MYBPC1: variants seen among roughly 807,000 people sequenced by gnomAD.
MYBPC1 encodes the protein myosin-binding protein C, slow-type.
In MYBPC1, 52 loss-of-function variants were observed where a neutral mutation model predicts 147.1. That is an observed-to-expected ratio of 0.35 (90% confidence interval 0.28 to 0.45). MYBPC1 has a LOEUF of 0.45. MYBPC1 is among the 20% of genes least tolerant of loss of function. MYBPC1 has a pLI of 1.00. For synonymous variants in MYBPC1, 477 were observed against 475.9 expected (o/e 1.00, Z -0.03); for missense variants, 1,228 against 1,440.3 (o/e 0.85, Z 2.39).
chr12:101,629,378 C>T (rs1889328038), intron 5 of MYBPC1, 56 bp from the exon 6 acceptor site: 2 of 1,198,262 alleles, frequency 1.7e-6, no homozygotes. Flanking sequence ...CCAGGTAAGA[C>T]TGCCTAAGAA....
chr12:101,626,817 T>A (rs922601241), intron 3 of MYBPC1, 55 bp from the exon 4 acceptor site: 1 of 1,383,720 alleles, frequency 7.2e-7, no homozygotes, highest in Non-Finnish European at 1.0e-6. Flanking sequence ...TTTTCTCAGG[T>A]TACTTGGGAT....
chr12:101,677,460 A>AGTAATATTC, intron 27 of MYBPC1, 66 bp downstream of exon 27: 1 of 1,584,018 alleles, frequency 6.3e-7, no homozygotes, highest in Non-Finnish European at 8.7e-7. Context: ...GAAGACTGGA[A>AGTAATATTC]AAAGAGATGT....
At chr12:101,599,757 A>C (rs936973294) in intron 1 of MYBPC1, among the ~76,000 whole-genome samples, 1 of 152,230 alleles carries the variant, frequency 6.6e-6, no homozygotes, top group Admixed American at 6.5e-5. Flanking sequence ...TGGTTCATCG[A>C]GGCCAAGCTG....
chr12:101,599,872 G>A (rs1214874705), intron 1 of MYBPC1, among the ~76,000 whole-genome samples: 1 of 152,108 alleles, frequency 6.6e-6, no homozygotes, highest in Non-Finnish European at 1.5e-5. Flanking sequence ...GCATATATTT[G>A]AGCTCTGTGT....
intron 25 of MYBPC1, 56 bp downstream of exon 25, chr12:101,673,678 G>A: frequency 6.4e-7 from 1 of 1,573,382 alleles, no homozygotes; most frequent in Admixed American, 1.7e-5. Flanking sequence ...GGGATGAATT[G>A]TCCTTGTCCC....
intron 18 of MYBPC1, among the ~76,000 whole-genome samples, chr12:101,655,344 T>TA (rs906029551): frequency 1.3e-5 from 2 of 151,948 alleles, no homozygotes. Flanking sequence ...ATGTCTCAGA[T>TA]AAAAAATATG....
rs1439693036 is a variant in MYBPC1 at position 101,677,319 on chromosome 12, G to T, written c.3034G>T (p.Val1012Phe). 1 of 1,613,896 alleles carries T rather than the reference G, an allele frequency of 6.2e-7. No homozygotes were observed. Among genetic ancestry groups the T allele is most frequent in the Non-Finnish European group, 8.5e-7 (1 of 1,179,934 alleles). ...CATAGGGAATGAATATTACTTCCGGGTCTTTTCTGAAAACATGTGTGGCCT... is the reference window on the plus strand; with the variant it reads ...CATAGGGAATGAATATTACTTCCGGTTCTTTTCTGAAAACATGTGTGGCCT... ...LVIGNEYYFR[V>F]FSENMCGLSE... The change falls in exon 27 of 32, where the codon GTC becomes TTC. Residue 1012 changes from valine to phenylalanine, a missense_variant. Val to Phe is a conservative substitution (Grantham distance 50). Around this residue, in one of 2 missense-constraint regions of MYBPC1, gnomAD observed 1,077 missense variants for 1,314.2 expected, o/e 0.82. Transcript: ENST00000361466.
In MYBPC1 at chr12:101,671,327, A is replaced by ACACT. The variant is rs573496300; in HGVS notation, c.2613+921_2613+922insTCAC. Reference sequence around the variant, plus strand: ...CACTCATATACACACACACACACACACACACACACACTCACACACACACAC... The same window carrying ACACT: ...CACTCATATACACACACACACACACACACTCACACACACACTCACACACACACAC... On this transcript the variant is annotated intron_variant, in intron 24 of 31. Transcript: ENST00000361466. 8.6e-3 allele frequency among the ~76,000 whole-genome samples: 883 copies of ACACT among 103,274 alleles called. 4 individuals are homozygous for ACACT. The highest frequency in any genetic ancestry group is 0.036 in the South Asian group (106 of 2,956). The allele number at this position is 103,274 out of a possible 152,430, so 67.8% of individuals were successfully genotyped here.
intron 29 of MYBPC1, among the ~76,000 whole-genome samples, chr12:101,681,703 G>C (rs1453865790): frequency 7.0e-6 from 1 of 142,768 alleles, no homozygotes; most frequent in Non-Finnish European, 1.5e-5. Flanking sequence ...CTGCCTCCTG[G>C]GTTCAAGCAA....
chr12:101,609,545 G>A (rs1228700627), intron 1 of MYBPC1, among the ~76,000 whole-genome samples: 1 of 151,988 alleles, frequency 6.6e-6, no homozygotes, highest in African/African-American at 2.4e-5. Flanking sequence ...GACCTCCCGA[G>A]CCACCATGCA....
chr12:101,646,003 A>G (rs922294441), intron 12 of MYBPC1, among the ~76,000 whole-genome samples: 4 of 152,188 alleles, frequency 2.6e-5, no homozygotes, highest in African/African-American at 9.7e-5. Context: ...AATCTACTAT[A>G]CCACTGGGAT....
intron 13 of MYBPC1, among the ~76,000 whole-genome samples, chr12:101,647,728 A>G (rs912831335): frequency 1.4e-4 from 21 of 152,138 alleles, no homozygotes; most frequent in Non-Finnish European, 2.8e-4. Flanking sequence ...CTCTACTGCA[A>G]ATGCAAAAAT....
At chr12:101,599,107 C>T (rs548765242) in intron 1 of MYBPC1, among the ~76,000 whole-genome samples, 1 of 152,276 alleles carries the variant, frequency 6.6e-6, no homozygotes, top group East Asian at 1.9e-4. Flanking sequence ...AAGATCTCTT[C>T]TTGAAAACTC....
At chr12:101,596,915 G>T (rs908733025) in intron 1 of MYBPC1, among the ~76,000 whole-genome samples, 1 of 152,120 alleles carries the variant, frequency 6.6e-6, no homozygotes, top group Non-Finnish European at 1.5e-5. Flanking sequence ...TAAATTCTTT[G>T]GTTAGTGTAA....
At chr12:101,689,355 T>A (rs1439496724), downstream of MYBPC1, among the ~76,000 whole-genome samples, 8 of 152,182 alleles carry the variant, frequency 5.3e-5, no homozygotes, top group Admixed American at 5.2e-4. Context: ...ACTGCAGAGA[T>A]GCCTGTCATT....
intron 15 of MYBPC1, chr12:101,650,914 A>G: frequency 2.6e-6 from 1 of 379,810 alleles, no homozygotes; most frequent in Non-Finnish European, 5.0e-6. Context: ...TCAGATGTAA[A>G]TGGGTGTGGC....
Position 101,614,557 on chromosome 12 carries a change from C to T in MYBPC1, c.61+26C>T, listed in dbSNP as rs369360971. The T allele has an allele frequency of 1.3e-5, 21 of 1,611,756 alleles. No homozygotes were observed. The African/African-American group carries it at 1.9e-4, about 14-fold the overall frequency. ...GTGAGTAAAAACACTCACTCACACA[C>T]GTTTGGGCTGCAAATACAGAGGGTC... On this transcript the variant is annotated intron_variant, in intron 2 of 31. Coordinates refer to ENST00000361466, the MANE Select transcript of MYBPC1 (RefSeq NM_002465.4).
At chr12:101,625,943 C>A (rs1392299875) in intron 3 of MYBPC1, among the ~76,000 whole-genome samples, 5 of 151,842 alleles carry the variant, frequency 3.3e-5, no homozygotes, top group Non-Finnish European at 5.9e-5. Flanking sequence ...AAAAAATTAG[C>A]CAGGCATGGT....
Position 101,646,973 on chromosome 12 carries a change from C to G in MYBPC1, c.1090+86C>G, listed in dbSNP as rs1893294350. ...ATGATCAAAGTGAAAGTAACTGAGG[C>G]TCCTCTACACTGGCAGCTATTATGG... On this transcript the variant is annotated intron_variant, in intron 13 of 31. Coordinates refer to ENST00000361466, the MANE Select transcript of MYBPC1 (RefSeq NM_002465.4). 4.6e-6 allele frequency: 7 copies of G among 1,512,118 alleles called. No individual in the cohort carries two copies. The Middle Eastern group carries it at 5.1e-4, about 111-fold the overall frequency. The allele number at this position is 1,512,118 out of a possible 1,614,324, so 93.7% of individuals were successfully genotyped here. A position where few individuals can be genotyped will look rare whatever the true frequency, so the allele number is the denominator to read the frequency against.
Sources: allele counts gnomAD v4.1 joint callset (sites outside exome capture counted in the v4.1 genomes callset), GRCh38; gene constraint gnomAD v4.1.1; regional missense constraint gnomAD v4.1.1; transcripts MANE v1.5; gene names NCBI Gene and HGNC (gene_info 2026-07-23, HGNC 2026-07-21).